The following ITGAX variants were observed in gnomAD, a reference collection of about 807,000 sequenced individuals.
ITGAX encodes the protein integrin alpha-X.
A neutral mutation model predicts 140.2 loss-of-function variants in ITGAX; 99 were observed. The ratio of observed to expected loss-of-function variants is 0.71; its 90% CI spans 0.60 to 0.83. The LOEUF (loss-of-function observed/expected upper bound fraction) is 0.83. Ranked by LOEUF, ITGAX falls within the 40% of genes least tolerant of loss-of-function variation. ITGAX has a pLI of 0.00. For missense variants in ITGAX, 1,444 were observed against 1,482.0 expected (o/e 0.97, Z 0.42); for synonymous variants, 631 against 600.4 (o/e 1.05, Z -0.75).
At chr16:31,362,867 G>A in intron 12 of ITGAX, 68 bp from the exon 13 acceptor site, 3 of 1,607,408 alleles carry the variant, frequency 1.9e-6, no homozygotes, top group Non-Finnish European at 2.5e-6. Context: ...CCTGGGGAGA[G>A]GTGGGACCTG....
chr16:31,380,957 T>C lies in ITGAX; in HGVS notation c.3337T>C (p.Ser1113Pro). The change falls in exon 29 of 30, where the codon TCC becomes CCC. Residue 1113 changes from serine to proline, a missense_variant. Ser to Pro is a moderately conservative substitution (Grantham distance 74). Coordinates refer to ENST00000268296, the MANE Select transcript of ITGAX (RefSeq NM_000887.5). ...CCCCACCCCCCTCATCGTAGGCAGC[T>C]CCATTGGGGGTCTGTTGCTGCTGGC... is the stretch of plus-strand genomic sequence containing the variant. ...HNPTPLIVGS[S>P]IGGLLLLALI... The C allele has an allele frequency of 6.2e-7, 1 of 1,614,116 alleles. No homozygotes were observed. The highest frequency in any genetic ancestry group is 8.5e-7 in the Non-Finnish European group (1 of 1,180,018).
intron 5 of ITGAX, among the ~76,000 whole-genome samples, chr16:31,358,823 TTTTC>T (rs2080790137): frequency 6.6e-6 from 1 of 150,960 alleles, no homozygotes; most frequent in African/African-American, 2.4e-5. Context: ...GTTTTTTTTT[TTTTC>T]TTTTTTTTTA....
intron 18 of ITGAX, 30 bp downstream of exon 18, chr16:31,372,539 G>A (rs751630268): frequency 6.2e-7 from 1 of 1,613,408 alleles, no homozygotes; most frequent in South Asian, 1.1e-5. Context: ...CTCCCAGAGA[G>A]GGTGCACAGC....
At chr16:31,373,464 G>A (rs546624648) in intron 20 of ITGAX, 74 bp downstream of exon 20, 4 of 1,475,164 alleles carry the variant, frequency 2.7e-6, no homozygotes, top group African/African-American at 2.8e-5. Flanking sequence ...CAGAACCCGG[G>A]CTGGGCTTGG....
intron 14 of ITGAX, among the ~76,000 whole-genome samples, chr16:31,369,275 C>T (rs12930249): frequency 0.63 from 83,638 of 132,628 alleles, 25,228 homozygotes; most frequent in Middle Eastern, 0.73. Flanking sequence ...GGCAGCTGGC[C>T]GGGCGGGGGG....
intron 3 of ITGAX, 123 bp from the exon 4 acceptor site, chr16:31,356,906 AAG>A (rs2080766838): frequency 3.2e-6 from 3 of 932,974 alleles, no homozygotes; most frequent in African/African-American, 1.7e-5. Context: ...CAGCTCTGTC[AAG>A]ACCCGACAGC....
chr16:31,361,885 G>C lies in ITGAX; in HGVS notation c.1062G>C (p.Glu354Asp). 1.9e-6 allele frequency: 3 copies of C among 1,614,104 alleles called. No individual in the cohort carries two copies. Among genetic ancestry groups the C allele is most frequent in the Non-Finnish European group, 2.5e-6 (3 of 1,180,012 alleles). Residue 354 changes from glutamate (E) to aspartate (D), a missense_variant, in exon 10 of 30, where the codon GAG becomes GAC. Physicochemically the swap from Glu to Asp is conservative, Grantham distance 45. Coordinates refer to ENST00000268296, the MANE Select transcript of ITGAX (RefSeq NM_000887.5). ...CCTTCGAATTGGAGATGGCACAGGAGGGCTTCAGCGCTGTGTTCACACCTG... is the reference window on the plus strand; with the variant it reads ...CCTTCGAATTGGAGATGGCACAGGACGGCTTCAGCGCTGTGTTCACACCTG... ...SSSFELEMAQ[E>D]GFSAVFTPDG...
chr16:31,379,006 G>A (rs571885752), intron 23 of ITGAX, among the ~76,000 whole-genome samples: 13 of 152,180 alleles, frequency 8.5e-5, no homozygotes, highest in African/African-American at 3.1e-4. Flanking sequence ...AGTAGAGATG[G>A]TGTTTCTCCA....
chr16:31,356,963 C>T (rs2080767584), intron 3 of ITGAX, 68 bp from the exon 4 acceptor site: 2 of 1,386,624 alleles, frequency 1.4e-6, no homozygotes, highest in African/African-American at 1.5e-5. Context: ...GGAGGTGACC[C>T]CTGCCCAGCT....
chr16:31,378,421 C>T (rs1351123855), intron 23 of ITGAX, among the ~76,000 whole-genome samples: 3 of 152,126 alleles, frequency 2.0e-5, no homozygotes, highest in South Asian at 2.1e-4. Flanking sequence ...ACCGACTACC[C>T]GGCCCCACTG....
In ITGAX at chr16:31,372,510, G is replaced by A. The variant is rs557679544; in HGVS notation, c.2292+1G>A. 2.5e-6 allele frequency: 4 copies of A among 1,610,194 alleles called. No individual in the cohort carries two copies. Among genetic ancestry groups the A allele is most frequent in the South Asian group, 2.2e-5 (2 of 90,878 alleles). ...TGCTCAGAGATACTTCACGGCCTCC[G>A]TGAGTCCTGGCACTGGGTCTCCCAG... On this transcript the variant is annotated splice_donor_variant, in intron 18 of 29. Coordinates refer to ENST00000268296, the MANE Select transcript of ITGAX (RefSeq NM_000887.5). LOFTEE classifies it high-confidence loss of function.
chr16:31,372,373 C>T lies in ITGAX; in HGVS notation c.2161-5C>T, dbSNP rs1246509531. The stretch of plus-strand genomic sequence containing the variant: ...CCTCCGCTCCCCGCGACGCCCGTCC[C>T]CCAGAGCTGCGTGGAGGACTCTGTG... On this transcript the variant is annotated splice_region_variant and splice_polypyrimidine_tract_variant and intron_variant, in intron 17 of 29. Transcript: ENST00000268296. The T allele has an allele frequency of 3.1e-6, 5 of 1,599,728 alleles. No homozygotes were observed. The highest frequency in any genetic ancestry group is 1.8e-5 in the Admixed American group (1 of 54,240).
In ITGAX at chr16:31,380,365, G is replaced by C. The variant is rs1226038059; in HGVS notation, c.3160G>C (p.Gly1054Arg). Reference sequence around the variant, plus strand: ...CACCCTGAAGGGCAACCTCAGCTTTGGCTGGGTCCGCCAGGTGTGTGGGTG... The same window carrying C: ...CACCCTGAAGGGCAACCTCAGCTTTCGCTGGGTCCGCCAGGTGTGTGGGTG... Reference protein sequence around the residue: ...DFTLKGNLSFGWVRQILQKKV... With the variant: ...DFTLKGNLSFRWVRQILQKKV... The change falls in exon 27 of 30, where the codon GGC becomes CGC. Residue 1054 changes from glycine (G) to arginine (R), a missense_variant. Coordinates refer to ENST00000268296, the MANE Select transcript of ITGAX (RefSeq NM_000887.5). The C allele has an allele frequency of 6.2e-7, 1 of 1,614,124 alleles. No homozygotes were observed. Among genetic ancestry groups the C allele is most frequent in the Admixed American group, 1.7e-5 (1 of 60,010 alleles).
intron 14 of ITGAX, among the ~76,000 whole-genome samples, chr16:31,367,836 T>G (rs756376123): frequency 5.3e-5 from 8 of 152,232 alleles, no homozygotes; most frequent in Non-Finnish European, 8.8e-5. Context: ...CTGCCATAGA[T>G]AGTGATTCTT....
chr16:31,357,708 T>C (rs1302661136), intron 5 of ITGAX: 1 of 438,260 alleles, frequency 2.3e-6, no homozygotes, highest in Non-Finnish European at 4.0e-6. Flanking sequence ...CCAGCTGTTG[T>C]TATTTTTAGA....
At chr16:31,358,815 T>C (rs934785303) in intron 5 of ITGAX, among the ~76,000 whole-genome samples, 1 of 74,474 alleles carries the variant, frequency 1.3e-5, no homozygotes, top group Non-Finnish European at 3.6e-5. Flanking sequence ...TCTTCCTGGT[T>C]TTTTTTTTTT....
At chr16:31,356,892 C>T in intron 3 of ITGAX, 139 bp from the exon 4 acceptor site, 1 of 854,822 alleles carries the variant, frequency 1.2e-6, no homozygotes, top group Non-Finnish European at 1.8e-6. Flanking sequence ...CCATCGCACT[C>T]CCGCAGCTCT....
rs76325029 is a variant in ITGAX, at chr16:31,361,798, C to T, written c.1013-38C>T. The stretch of plus-strand genomic sequence containing the variant: ...TGTTCTTGGACCTGGCAAAGCCCGT[C>T]TCCCTCCCTGGCACTCAAGCGTCAT... On this transcript the variant is annotated intron_variant, in intron 9 of 29. Coordinates refer to ENST00000268296, the MANE Select transcript of ITGAX (RefSeq NM_000887.5). 2,140 of 1,607,506 alleles carry T rather than the reference C, an allele frequency of 1.3e-3. 34 individuals are homozygous for T. The African/African-American group carries it at 0.026, about 19-fold the overall frequency.
intron 14 of ITGAX, among the ~76,000 whole-genome samples, chr16:31,368,839 T>C (rs2080920605): frequency 6.6e-6 from 1 of 151,328 alleles, no homozygotes; most frequent in Non-Finnish European, 1.5e-5. Context: ...CAAGCATCTG[T>C]TTAACAAAGC....
Sources: allele counts gnomAD v4.1 joint callset (sites outside exome capture counted in the v4.1 genomes callset), GRCh38; gene constraint gnomAD v4.1.1; transcripts MANE v1.5; gene names NCBI Gene and HGNC (gene_info 2026-07-23, HGNC 2026-07-21).